Variants in PCDHGA5 observed in about 807,000 individuals in gnomAD.
PCDHGA5 encodes the protein protocadherin gamma-A5.
In PCDHGA5, 36 loss-of-function variants were observed where a neutral mutation model predicts 56.7. The observed-to-expected ratio is 0.64, with a 90% CI of 0.49 to 0.84. PCDHGA5 has a LOEUF of 0.84. Among genes scored for constraint, PCDHGA5 ranks in the 40% least tolerant of loss-of-function variants. The probability of loss-of-function intolerance (pLI) is 0.00; values close to 1 mark genes in which losing one functional copy is unlikely to be tolerated. For synonymous variants in PCDHGA5, 563 were observed against 520.2 expected (o/e 1.08, Z -1.12); for missense variants, 1,305 against 1,201.5 (o/e 1.09, Z -1.27).
intron 1 of PCDHGA5, chr5:141,421,331 C>T: frequency 1.2e-6 from 2 of 1,613,856 alleles, no homozygotes; most frequent in East Asian, 2.2e-5. Flanking sequence ...ATCCGATATT[C>T]GGTGCCAGAA....
In PCDHGA5 at chr5:141,394,620, T is replaced by C. The variant is rs775736772; in HGVS notation, c.2421+27869T>C. The C allele has an allele frequency of 8.1e-6, 13 of 1,613,124 alleles. 1 individual carries two copies. In the South Asian group the frequency reaches 1.4e-4, roughly 18 times the overall value. ...GGACAGAGACTCGGGCCAGAACGCC[T>C]GGCTGTCCTACCGCCTGCTCAAGGC... On this transcript the variant is annotated intron_variant, in intron 1 of 3. Coordinates refer to ENST00000518069, the MANE Select transcript of PCDHGA5 (RefSeq NM_018918.3).
chr5:141,477,835 T>G lies in PCDHGA5; in HGVS notation c.2422-16972T>G. ...CCCAGGTCCTATATCCTCGGCCAGG[T>G]GGGAGCTCGGTGGAGATGCTGCCTC... On this transcript the variant is annotated intron_variant, in intron 1 of 3. Coordinates refer to ENST00000518069, the MANE Select transcript of PCDHGA5 (RefSeq NM_018918.3). This position sits in a 1 kb window ranked among gnomAD's most constrained non-coding sequence, Gnocchi z 4.9. The G allele has an allele frequency of 6.2e-7, 1 of 1,614,090 alleles. No individual in the cohort carries two copies. Among genetic ancestry groups the G allele is most frequent in the South Asian group, 1.1e-5 (1 of 91,072 alleles).
chr5:141,404,361 C>A, intron 1 of PCDHGA5: 3 of 1,613,956 alleles, frequency 1.9e-6, no homozygotes, highest in Non-Finnish European at 2.5e-6. Context: ...AGAGGTACTT[C>A]CATCTTCTCC....
chr5:141,410,809 G>C, intron 1 of PCDHGA5: 1 of 292,002 alleles, frequency 3.4e-6, no homozygotes, highest in Admixed American at 5.8e-5. Flanking sequence ...CTATCTTTTT[G>C]TAAAATAATG....
chr5:141,488,866 G>C (rs957501628), intron 1 of PCDHGA5, among the ~76,000 whole-genome samples: 1 of 152,148 alleles, frequency 6.6e-6, no homozygotes, highest in East Asian at 1.9e-4. Context: ...GAAGTGAGTG[G>C]GGAGGTAGGA....
chr5:141,446,821 T>G (rs183143971), intron 1 of PCDHGA5, among the ~76,000 whole-genome samples: 2 of 152,184 alleles, frequency 1.3e-5, no homozygotes, highest in South Asian at 4.1e-4. Context: ...GTCAGATGGG[T>G]AGATCCTTAT....
intron 1 of PCDHGA5, among the ~76,000 whole-genome samples, chr5:141,466,776 C>T (rs2099129231): frequency 6.6e-6 from 1 of 152,104 alleles, no homozygotes; most frequent in African/African-American, 2.4e-5. Flanking sequence ...TTATCTTATT[C>T]TTCTTAGTGC....
At chr5:141,381,878 G>A (rs1777712402) in intron 1 of PCDHGA5, among the ~76,000 whole-genome samples, 2 of 129,172 alleles carry the variant, frequency 1.5e-5, no homozygotes, top group South Asian at 4.9e-4. Flanking sequence ...TGTCCAGGCT[G>A]GAGTGCAATG....
At position 141,487,611 on chromosome 5, in the gene PCDHGA5, T is replaced by C. The variant is rs1215704705; in HGVS notation, c.2422-7196T>C. ...CCACCCTCTGATCTTCTCTATGGGCTAGAGGTGAGACCTTTGCAGGCTCAA... is the reference window on the plus strand; with the variant it reads ...CCACCCTCTGATCTTCTCTATGGGCCAGAGGTGAGACCTTTGCAGGCTCAA... On this transcript the variant is annotated intron_variant, in intron 1 of 3. Transcript: ENST00000518069. This position sits in a 1 kb window ranked among gnomAD's most constrained non-coding sequence, Gnocchi z 5.0. The C allele has an allele frequency of 1.2e-6, 2 of 1,614,206 alleles. No homozygotes were observed. The highest frequency in any genetic ancestry group is 1.7e-6 in the Non-Finnish European group (2 of 1,180,036).
chr5:141,446,468 A>G (rs2098503159), intron 1 of PCDHGA5, among the ~76,000 whole-genome samples: 1 of 149,982 alleles, frequency 6.7e-6, no homozygotes, highest in African/African-American at 2.5e-5. Flanking sequence ...GTGATTAGAC[A>G]TATGGTCATC....
chr5:141,468,282 G>A (rs1368214716), intron 1 of PCDHGA5, among the ~76,000 whole-genome samples: 1 of 140,012 alleles, frequency 7.1e-6, no homozygotes, highest in African/African-American at 2.7e-5. Context: ...CCGAGACCAC[G>A]CCATTGCACC....
intron 1 of PCDHGA5, among the ~76,000 whole-genome samples, chr5:141,460,983 G>GTA (rs59296681): frequency 9.4e-4 from 130 of 137,840 alleles, no homozygotes; most frequent in Middle Eastern, 3.8e-3. Context: ...GTGTGTGTGT[G>GTA]TATATATATA....
intron 1 of PCDHGA5, among the ~76,000 whole-genome samples, chr5:141,449,413 C>G (rs2098637966): frequency 6.6e-6 from 1 of 151,656 alleles, no homozygotes; most frequent in African/African-American, 2.4e-5. Flanking sequence ...TCAAGACCAG[C>G]CTGGCCAACA....
chr5:141,509,691 AC>A (rs1471858383), intron 3 of PCDHGA5, among the ~76,000 whole-genome samples: 5 of 152,064 alleles, frequency 3.3e-5, no homozygotes, highest in African/African-American at 1.2e-4. Flanking sequence ...GTACAGTGGG[AC>A]GTTGGACTGG....
rs1193417991 is a variant in PCDHGA5 at position 141,491,413 on chromosome 5, G to T, written c.2422-3394G>T. The T allele has an allele frequency of 6.2e-7, 1 of 1,614,064 alleles. No individual in the cohort carries two copies. Among genetic ancestry groups the T allele is most frequent in the South Asian group, 1.1e-5 (1 of 91,074 alleles). ...CCTTCAGGGAAACGCAGACGGGGAC[G>T]GGGGTGGAGGGCAGTGCTGCAGGCG... On this transcript the variant is annotated intron_variant, in intron 1 of 3. Transcript: ENST00000518069. This position sits in a 1 kb window ranked among gnomAD's most constrained non-coding sequence, Gnocchi z 6.9.
At chr5:141,482,901 A>T (rs192886570) in intron 1 of PCDHGA5, among the ~76,000 whole-genome samples, 2 of 152,240 alleles carry the variant, frequency 1.3e-5, no homozygotes, top group African/African-American at 4.8e-5. Flanking sequence ...GTGAAACCTC[A>T]TCTCTATTAA....
At chr5:141,456,504 T>G (rs781368588) in intron 1 of PCDHGA5, among the ~76,000 whole-genome samples, 1 of 152,148 alleles carries the variant, frequency 6.6e-6, no homozygotes, top group Non-Finnish European at 1.5e-5. Context: ...GGTTAACCAA[T>G]TCCATAAAGA....
intron 1 of PCDHGA5, among the ~76,000 whole-genome samples, chr5:141,425,402 A>C (rs1288785443): frequency 6.6e-6 from 1 of 152,222 alleles, no homozygotes; most frequent in Non-Finnish European, 1.5e-5. Flanking sequence ...AAGTTCTGTT[A>C]AGGTATAACA....
At position 141,477,458 on chromosome 5, in the gene PCDHGA5, T is replaced by C; in HGVS notation, c.2422-17349T>C. 6.2e-7 allele frequency: 1 copy of C among 1,614,126 alleles called. No homozygotes were observed. The highest frequency in any genetic ancestry group is 8.5e-7 in the Non-Finnish European group (1 of 1,180,022). ...CCTTACAATAGTGCGTGTTCAAGTG[T>C]CCGACATCAATGACAACCCTCCACA... On this transcript the variant is annotated intron_variant, in intron 1 of 3. Transcript: ENST00000518069. This position sits in a 1 kb window ranked among gnomAD's most constrained non-coding sequence, Gnocchi z 4.9.
Sources: gnomAD v4.1 joint callset for allele counts (sites outside exome capture counted in the v4.1 genomes callset) on GRCh38, gnomAD v4.1.1 for gene constraint, Gnocchi (gnomAD v3.1) non-coding constraint, MANE v1.5 for transcripts, NCBI Gene and HGNC (gene_info 2026-07-23, HGNC 2026-07-21) for gene names.